Variants in TOM1L1 observed in about 807,000 individuals in gnomAD.
The protein encoded by TOM1L1 is TOM1-like protein 1.
TOM1L1 carries 64 observed loss-of-function variants against 63.4 expected under a neutral mutation model. That is an observed-to-expected ratio of 1.01 (90% CI 0.83 to 1.24). The LOEUF (loss-of-function observed/expected upper bound fraction) is 1.24. Ranked by LOEUF, TOM1L1 falls within the 50% of genes most tolerant of loss-of-function variation. TOM1L1 has a pLI of 0.00. For missense variants in TOM1L1, 536 were observed against 567.0 expected, an observed-to-expected ratio of 0.95 and a Z score of 0.55; for synonymous variants, 166 against 194.4, an observed-to-expected ratio of 0.85 and a Z score of 1.22.
intron 2 of TOM1L1, among the ~76,000 whole-genome samples, chr17:54,905,049 G>A (rs775244808): frequency 5.9e-5 from 9 of 152,132 alleles, no homozygotes; most frequent in African/African-American, 9.7e-5. Context: ...AAATTGTGGC[G>A]TATTGGCAGC....
At chr17:54,950,554 C>T (rs552248605) in intron 14 of TOM1L1, among the ~76,000 whole-genome samples, 3 of 152,230 alleles carry the variant, frequency 2.0e-5, no homozygotes, top group Admixed American at 2.0e-4. Flanking sequence ...AGCATTAGTA[C>T]AATTACTTTT....
At chr17:54,921,018 A>G (rs911062383) in intron 7 of TOM1L1, among the ~76,000 whole-genome samples, 3 of 151,842 alleles carry the variant, frequency 2.0e-5, no homozygotes, top group African/African-American at 7.3e-5. Context: ...ACTGACTTTC[A>G]TAGGGCGTAG....
intron 8 of TOM1L1, among the ~76,000 whole-genome samples, chr17:54,932,194 C>G (rs2048874368): frequency 6.6e-6 from 1 of 152,094 alleles, no homozygotes; most frequent in South Asian, 2.1e-4. Flanking sequence ...CCCGAGTGAG[C>G]AATTCCTGTC....
At chr17:54,920,577 GAGACCCCTC>G (rs2048667920) in intron 7 of TOM1L1, among the ~76,000 whole-genome samples, 1 of 152,198 alleles carries the variant, frequency 6.6e-6, no homozygotes, top group African/African-American at 2.4e-5. Flanking sequence ...CCAGGTGAAA[GAGACCCCTC>G]CAAAGGACTT....
At position 54,915,822 on chromosome 17, in the gene TOM1L1, C is replaced by A. The variant is rs751080690; in HGVS notation, c.680C>A (p.Thr227Asn). The change falls in exon 7 of 16, where the codon ACT (threonine) becomes AAT (asparagine). Residue 227 changes from threonine (T) to asparagine (N), a missense_variant. By Grantham distance (65) the Thr-to-Asn change is moderately conservative. Coordinates refer to ENST00000575882, the MANE Select transcript of TOM1L1 (RefSeq NM_005486.3). Reference protein sequence around the residue: ...RVMSAILMENTPGSENHEDIE... With the variant: ...RVMSAILMENNPGSENHEDIE... ...ATGTCCGCCATATTGATGGAGAATA[C>A]TCCTGGGTCTGAAAACCATGAAGAC... is the stretch of plus-strand genomic sequence containing the variant. 6.2e-7 allele frequency: 1 copy of A among 1,613,708 alleles called. No individual in the cohort carries two copies. The highest frequency in any genetic ancestry group is 1.3e-5 in the African/African-American group (1 of 74,892).
intron 14 of TOM1L1, among the ~76,000 whole-genome samples, chr17:54,955,517 G>A (rs985464916): frequency 6.6e-6 from 1 of 152,078 alleles, no homozygotes; most frequent in African/African-American, 2.4e-5. Flanking sequence ...ATATTTTAGG[G>A]GTTGCCACAG....
intron 11 of TOM1L1, among the ~76,000 whole-genome samples, chr17:54,946,265 A>T (rs1192076321): frequency 6.6e-6 from 1 of 152,150 alleles, no homozygotes; most frequent in Non-Finnish European, 1.5e-5. Flanking sequence ...TATTTCATAA[A>T]CAACTTCATG....
intron 14 of TOM1L1, among the ~76,000 whole-genome samples, chr17:54,950,868 C>G (rs2049214031): frequency 1.3e-5 from 2 of 152,182 alleles, no homozygotes; most frequent in South Asian, 2.1e-4. Flanking sequence ...AGCTCTCACT[C>G]TAATATAACA....
chr17:54,947,869 A>G (rs1051829680), intron 12 of TOM1L1, among the ~76,000 whole-genome samples: 4 of 152,106 alleles, frequency 2.6e-5, no homozygotes, highest in Non-Finnish European at 5.9e-5. Context: ...TTGACAACCT[A>G]CAAGTTTGTA....
At chr17:54,947,685 C>CT (rs761263708) in intron 12 of TOM1L1, among the ~76,000 whole-genome samples, 5 of 152,210 alleles carry the variant, frequency 3.3e-5, no homozygotes, top group Non-Finnish European at 7.3e-5. Context: ...ACACCAGTCA[C>CT]TTTGGTTCTT....
intron 7 of TOM1L1, among the ~76,000 whole-genome samples, chr17:54,928,367 C>CAAA (rs58773256): frequency 0.058 from 8,675 of 148,354 alleles, 804 homozygotes; most frequent in African/African-American, 0.2. Context: ...GGAAAAAAAC[C>CAAA]AAAAAAAAAC....
intron 11 of TOM1L1, among the ~76,000 whole-genome samples, chr17:54,946,795 G>A (rs1209152785): frequency 6.6e-6 from 1 of 152,174 alleles, no homozygotes; most frequent in African/African-American, 2.4e-5. Context: ...TTGAATTCTG[G>A]TCTTCTTTCC....
intron 11 of TOM1L1, among the ~76,000 whole-genome samples, chr17:54,939,712 A>C (rs1471792172): frequency 6.6e-6 from 1 of 152,086 alleles, no homozygotes; most frequent in Non-Finnish European, 1.5e-5. Flanking sequence ...GTGCGCCACC[A>C]TACTGGGCTA....
intron 7 of TOM1L1, among the ~76,000 whole-genome samples, chr17:54,922,058 C>T (rs565941615): frequency 1.6e-4 from 24 of 150,616 alleles, no homozygotes; most frequent in Admixed American, 5.9e-4. Context: ...TTTGGGAGGC[C>T]GAGGCAGGCG....
chr17:54,900,975 T>C, intron 1 of TOM1L1, 52 bp downstream of exon 1: 2 of 1,609,898 alleles, frequency 1.2e-6, no homozygotes, highest in East Asian at 2.2e-5. Flanking sequence ...CGTGGGATCC[T>C]TTCCTGCTTG....
intron 7 of TOM1L1, among the ~76,000 whole-genome samples, chr17:54,921,610 C>T (rs747641649): frequency 6.6e-6 from 1 of 151,944 alleles, no homozygotes; most frequent in African/African-American, 2.4e-5. Context: ...TGGTGGTGGG[C>T]GCCTATAATC....
At chr17:54,913,462 G>A (rs1293481564) in intron 4 of TOM1L1, among the ~76,000 whole-genome samples, 6 of 151,974 alleles carry the variant, frequency 3.9e-5, no homozygotes, top group Admixed American at 6.6e-5. Context: ...TCAGGAGTTC[G>A]AGAGCAGCCT....
intron 14 of TOM1L1, among the ~76,000 whole-genome samples, chr17:54,956,463 G>A (rs546230350): frequency 1.3e-5 from 2 of 152,100 alleles, no homozygotes; most frequent in East Asian, 1.9e-4. Flanking sequence ...GTGCCACCAC[G>A]CCTGGCTAAT....
intron 3 of TOM1L1, among the ~76,000 whole-genome samples, chr17:54,910,445 G>T (rs556585733): frequency 6.6e-6 from 1 of 152,288 alleles, no homozygotes; most frequent in Admixed American, 6.5e-5. Flanking sequence ...GACAGAGTGA[G>T]ACCCTGTCTC....
Sources: gnomAD v4.1 joint callset for allele counts (sites outside exome capture counted in the v4.1 genomes callset) on GRCh38, gnomAD v4.1.1 for gene constraint, MANE v1.5 for transcripts, NCBI Gene and HGNC (gene_info 2026-07-23, HGNC 2026-07-21) for gene names.